STPG2: variants seen among roughly 807,000 people sequenced by gnomAD.
STPG2 encodes the protein sperm-tail PG-rich repeat-containing protein 2.
In STPG2, 56 loss-of-function variants were observed where a neutral mutation model predicts 54.2. The ratio of observed to expected loss-of-function variants is 1.03; its 90% CI spans 0.83 to 1.29. STPG2 has a LOEUF of 1.29. Ranked by LOEUF, STPG2 falls within the 50% of genes most tolerant of loss-of-function variation. STPG2 has a pLI of 0.00. For missense variants in STPG2, 596 were observed against 544.9 expected, an observed-to-expected ratio of 1.09 and a Z score of -0.93; for synonymous variants, 200 against 181.8, an observed-to-expected ratio of 1.10 and a Z score of -0.81.
At chr4:97,913,582 A>T (rs913975622) in intron 8 of STPG2, among the ~76,000 whole-genome samples, 1 of 152,172 alleles carries the variant, frequency 6.6e-6, no homozygotes, top group African/African-American at 2.4e-5. Context: ...AATTAAGATT[A>T]CAGTGCACAG....
chr4:97,966,004 G>A (rs951444479), intron 7 of STPG2, among the ~76,000 whole-genome samples: 15 of 152,128 alleles, frequency 9.9e-5, no homozygotes, highest in Non-Finnish European at 2.2e-4. Context: ...AACAAAGCTG[G>A]GTGGAGAATG....
chr4:97,761,097 T>C (rs1335303083), intron 9 of STPG2, among the ~76,000 whole-genome samples: 3 of 152,198 alleles, frequency 2.0e-5, no homozygotes, highest in Admixed American at 6.5e-5. Flanking sequence ...CCCCATCTCA[T>C]AGTCAACCAA....
intron 8 of STPG2, chr4:97,917,250 G>A (rs926862837): frequency 2.0e-5 from 3 of 152,400 alleles, no homozygotes; most frequent in Non-Finnish European, 4.4e-5. Context: ...GACCTCGTGA[G>A]GCCTGACGGG....
chr4:97,615,714 T>C (rs999828928), intron 10 of STPG2, among the ~76,000 whole-genome samples: 1 of 151,946 alleles, frequency 6.6e-6, no homozygotes, highest in Non-Finnish European at 1.5e-5. Context: ...GTTCATGAAT[T>C]TCATTATACA....
At chr4:97,474,913 T>C (rs1578327139) in intron 4 of STPG2, among the ~76,000 whole-genome samples, 1 of 152,204 alleles carries the variant, frequency 6.6e-6, no homozygotes, top group South Asian at 2.1e-4. Flanking sequence ...TATGGCATTA[T>C]GTAGTATATA....
At chr4:97,836,814 TC>T (rs1296315889) in intron 9 of STPG2, among the ~76,000 whole-genome samples, 1 of 150,404 alleles carries the variant, frequency 6.6e-6, no homozygotes, top group Non-Finnish European at 1.5e-5. Context: ...CATATATTAT[TC>T]ATTAATTAAT....
intron 10 of STPG2, among the ~76,000 whole-genome samples, chr4:97,572,888 C>T (rs1560667556): frequency 6.6e-6 from 1 of 152,008 alleles, no homozygotes; most frequent in Non-Finnish European, 1.5e-5. Context: ...ATAAATTTTA[C>T]CTACTATTAT....
intron 10 of STPG2, among the ~76,000 whole-genome samples, chr4:97,687,779 T>C (rs1008727610): frequency 1.3e-5 from 2 of 152,124 alleles, no homozygotes; most frequent in Non-Finnish European, 2.9e-5. Context: ...GAATATATTA[T>C]AATTTATATA....
chr4:97,919,083 G>T (rs999821998), intron 8 of STPG2, among the ~76,000 whole-genome samples: 1 of 151,982 alleles, frequency 6.6e-6, no homozygotes, highest in Non-Finnish European at 1.5e-5. Flanking sequence ...ACTACATAGG[G>T]ATTAAACACA....
At chr4:97,478,944 A>C (rs1198183287) in intron 4 of STPG2, among the ~76,000 whole-genome samples, 1 of 149,072 alleles carries the variant, frequency 6.7e-6, no homozygotes, top group Non-Finnish European at 1.5e-5. Context: ...AAGACCAGGC[A>C]ATATAAGTAA....
intron 9 of STPG2, among the ~76,000 whole-genome samples, chr4:97,764,452 T>G (rs2149056624): frequency 6.6e-6 from 1 of 152,242 alleles, no homozygotes; most frequent in Non-Finnish European, 1.5e-5. Flanking sequence ...TGTCTATTAC[T>G]AAGGAAATGC....
chr4:98,068,207 T>C (rs1737892662), intron 5 of STPG2, among the ~76,000 whole-genome samples: 1 of 152,180 alleles, frequency 6.6e-6, no homozygotes, highest in Admixed American at 6.6e-5. Context: ...CTTCCTCTAT[T>C]TCAAGTTCTC....
At chr4:97,941,517 T>C (rs1046755348) in intron 8 of STPG2, among the ~76,000 whole-genome samples, 1 of 152,018 alleles carries the variant, frequency 6.6e-6, no homozygotes, top group Non-Finnish European at 1.5e-5. Flanking sequence ...TATGTCATGG[T>C]TTTTTTAAAA....
chr4:97,591,343 A>T (rs1259626878), intron 10 of STPG2, among the ~76,000 whole-genome samples: 1 of 152,108 alleles, frequency 6.6e-6, no homozygotes, highest in Non-Finnish European at 1.5e-5. Flanking sequence ...ATAAGGGTTT[A>T]CTCTGGTAGC....
At chr4:97,733,174 T>A (rs951088617) in intron 9 of STPG2, among the ~76,000 whole-genome samples, 1 of 152,152 alleles carries the variant, frequency 6.6e-6, no homozygotes, top group Non-Finnish European at 1.5e-5. Flanking sequence ...GTTGCAAAGA[T>A]GTGGAACCAA....
intron 5 of STPG2, among the ~76,000 whole-genome samples, chr4:97,993,163 G>T (rs1449576710): frequency 6.6e-6 from 1 of 152,108 alleles, no homozygotes; most frequent in Non-Finnish European, 1.5e-5. Context: ...TCTTGCTCCA[G>T]TTCTCAGGAA....
At chr4:97,442,644 G>A (rs899346826) in intron 4 of STPG2, among the ~76,000 whole-genome samples, 1 of 152,058 alleles carries the variant, frequency 6.6e-6, no homozygotes, top group Non-Finnish European at 1.5e-5. Context: ...CCTGCTGAAG[G>A]CTTATTTAAC....
chr4:97,530,424 C>A (rs902777773), intron 4 of STPG2, among the ~76,000 whole-genome samples: 1 of 151,928 alleles, frequency 6.6e-6, no homozygotes, highest in Admixed American at 6.6e-5. Context: ...GACATGAAAG[C>A]CAATGCTTAG....
intron 10 of STPG2, among the ~76,000 whole-genome samples, chr4:97,696,478 A>T (rs1362563291): frequency 2.6e-5 from 4 of 152,262 alleles, no homozygotes; most frequent in Admixed American, 2.6e-4. Flanking sequence ...AGACTTCACG[A>T]CTAAGAACAG....
Sources: gnomAD v4.1 joint callset for allele counts (sites outside exome capture counted in the v4.1 genomes callset) on GRCh38, gnomAD v4.1.1 for gene constraint, MANE v1.5 for transcripts, NCBI Gene and HGNC (gene_info 2026-07-23, HGNC 2026-07-21) for gene names.